Variants in GRM1 observed in about 807,000 individuals in gnomAD.
GRM1 encodes metabotropic glutamate receptor 1.
In GRM1, 33 loss-of-function variants were observed where a neutral mutation model predicts 90.9. The ratio of observed to expected loss-of-function variants is 0.36; its 90% confidence interval spans 0.28 to 0.49. The LOEUF (loss-of-function observed/expected upper bound fraction) is 0.49. GRM1 is among the 20% of genes least tolerant of loss of function. The pLI is 0.99. For synonymous variants in GRM1, 700 were observed against 613.2 expected, an observed-to-expected ratio of 1.14 and a Z score of -2.09; for missense variants, 1,190 against 1,534.3, an observed-to-expected ratio of 0.78 and a Z score of 3.75.
intron 3 of GRM1, among the ~76,000 whole-genome samples, chr6:146,305,263 C>T (rs948728703): frequency 2.6e-5 from 4 of 151,930 alleles, no homozygotes. Context: ...TAATGTGACC[C>T]TAAGCCACAC....
At chr6:146,226,308 A>G (rs1450370230) in intron 2 of GRM1, among the ~76,000 whole-genome samples, 1 of 152,132 alleles carries the variant, frequency 6.6e-6, no homozygotes. Flanking sequence ...GGCATGTTGC[A>G]ATTTCAGGAA....
Position 146,430,714 on chromosome 6 carries a change from G to T in GRM1, c.2661-3158G>T, listed in dbSNP as rs1483719776. On this transcript the variant is annotated intron_variant, in intron 7 of 7. Transcript: ENST00000282753. Reference sequence around the variant, plus strand: ...TTTCTCTTCTTAATATCACAGTAGTGGGTTCCCTGCCTTCTCAAATAAGAT... The same window carrying T: ...TTTCTCTTCTTAATATCACAGTAGTTGGTTCCCTGCCTTCTCAAATAAGAT... Among the ~76,000 whole-genome samples the T allele has an allele frequency of 2.0e-5, 3 of 152,166 alleles. No individual in the cohort carries two copies. In the East Asian group the frequency reaches 5.8e-4, roughly 29 times the overall value.
intron 6 of GRM1, among the ~76,000 whole-genome samples, chr6:146,393,637 C>A (rs1442278518): frequency 6.6e-6 from 1 of 152,144 alleles, no homozygotes; most frequent in African/African-American, 2.4e-5. Flanking sequence ...AATGGAAAAA[C>A]ATTCCATGCT....
Position 146,436,476 on chromosome 6 carries a change from C to T in GRM1, c.*1680C>T, listed in dbSNP as rs1336257645. 6.6e-6 allele frequency: 1 copy of T among 152,206 alleles called. No homozygotes were observed. The highest frequency in any genetic ancestry group is 1.5e-5 in the Non-Finnish European group (1 of 68,026). 9.4% of individuals were successfully genotyped at this position (152,206 alleles called of 1,614,324 possible). A position where few individuals can be genotyped will look rare whatever the true frequency, so the allele number is the denominator to read the frequency against. On this transcript the variant is annotated 3_prime_UTR_variant, in exon 8 of 8. Coordinates refer to ENST00000282753, the MANE Select transcript of GRM1 (RefSeq NM_001278064.2). ...TTTTTTTAAAGATTTTCCACAGCTACTTGAGTGTCTAACATACAGTAACAT... is the reference window on the plus strand; with the variant it reads ...TTTTTTTAAAGATTTTCCACAGCTATTTGAGTGTCTAACATACAGTAACAT...
intron 6 of GRM1, among the ~76,000 whole-genome samples, chr6:146,389,490 A>G (rs1776639054): frequency 6.6e-6 from 1 of 152,138 alleles, no homozygotes; most frequent in African/African-American, 2.4e-5. Flanking sequence ...GAGATGCTCT[A>G]TTGTGGGATT....
intron 5 of GRM1, among the ~76,000 whole-genome samples, chr6:146,367,290 C>T (rs865841623): frequency 6.6e-6 from 1 of 152,050 alleles, no homozygotes. Flanking sequence ...AATCATGCTG[C>T]TTTAATTAAC....
At chr6:146,383,950 C>T (rs188539354) in intron 5 of GRM1, among the ~76,000 whole-genome samples, 9 of 152,132 alleles carry the variant, frequency 5.9e-5, no homozygotes, top group African/African-American at 1.2e-4. Flanking sequence ...CAGTACATGA[C>T]CTTGAGTTCA....
chr6:146,346,729 G>A (rs1785202926), intron 3 of GRM1, among the ~76,000 whole-genome samples: 1 of 152,186 alleles, frequency 6.6e-6, no homozygotes, highest in Non-Finnish European at 1.5e-5. Flanking sequence ...GCAATTTAAA[G>A]GAATCTGAAT....
chr6:146,243,054 G>A (rs532744209), intron 2 of GRM1, among the ~76,000 whole-genome samples: 1 of 152,178 alleles, frequency 6.6e-6, no homozygotes, highest in Non-Finnish European at 1.5e-5. Flanking sequence ...TAAGCCAGAG[G>A]CAGCAGCAAC....
chr6:146,112,576 G>T (rs1311824529), intron 1 of GRM1, among the ~76,000 whole-genome samples: 1 of 152,066 alleles, frequency 6.6e-6, no homozygotes, highest in East Asian at 1.9e-4. Flanking sequence ...GGGCTCCCTT[G>T]GTAAAGGTTT....
At chr6:146,139,099 G>A (rs956736657) in intron 1 of GRM1, among the ~76,000 whole-genome samples, 2 of 151,788 alleles carry the variant, frequency 1.3e-5, no homozygotes, top group African/African-American at 4.8e-5. Flanking sequence ...TCATTCAGGA[G>A]CATACTGTTT....
At chr6:146,255,563 T>C (rs117059877) in intron 2 of GRM1, among the ~76,000 whole-genome samples, 1 of 152,240 alleles carries the variant, frequency 6.6e-6, no homozygotes, top group Non-Finnish European at 1.5e-5. Flanking sequence ...TCCCTCAAAT[T>C]TTAAGGTGTA....
intron 4 of GRM1, among the ~76,000 whole-genome samples, chr6:146,355,129 T>A (rs61914): frequency 0.59 from 89,462 of 152,034 alleles, 26,437 homozygotes; most frequent in South Asian, 0.67. Flanking sequence ...AGAAGCTGTA[T>A]TAATGTAATC....
intron 2 of GRM1, among the ~76,000 whole-genome samples, chr6:146,203,062 C>T (rs1356618896): frequency 1.3e-5 from 2 of 151,816 alleles, no homozygotes; most frequent in South Asian, 2.1e-4. Context: ...GGCGTGGTGC[C>T]GGGCGCCTGT....
At chr6:146,368,267 G>T (rs945478302) in intron 5 of GRM1, among the ~76,000 whole-genome samples, 2 of 136,478 alleles carry the variant, frequency 1.5e-5, no homozygotes, top group East Asian at 2.4e-4. Context: ...TTTTGGGGGG[G>T]GGGGTAGAAT....
At chr6:146,257,877 G>T (rs939575994) in intron 2 of GRM1, among the ~76,000 whole-genome samples, 3 of 151,570 alleles carry the variant, frequency 2.0e-5, no homozygotes, top group African/African-American at 7.3e-5. Context: ...GAGACATGCA[G>T]AAATAATGTT....
chr6:146,384,009 T>C (rs537166844), intron 5 of GRM1, among the ~76,000 whole-genome samples: 12 of 152,234 alleles, frequency 7.9e-5, no homozygotes, highest in Admixed American at 6.6e-4. Flanking sequence ...CACTCAGGCT[T>C]TCTGCCTGGA....
rs186205198 is a variant in GRM1 at position 146,104,169 on chromosome 6, G to A, written c.701-55179G>A. Among the ~76,000 whole-genome samples the A allele has an allele frequency of 1.3e-4, 20 of 152,298 alleles. No individual in the cohort carries two copies. In the East Asian group the frequency reaches 3.7e-3, roughly 28 times the overall value. On this transcript the variant is annotated intron_variant, in intron 1 of 7. Coordinates refer to ENST00000282753, the MANE Select transcript of GRM1 (RefSeq NM_001278064.2). Reference sequence around the variant, plus strand: ...GAAGGAGTGGTTGCCAGCTGGGCGCGGTGGCTTACGCCTGTAATCCCAGCA... The same window carrying A: ...GAAGGAGTGGTTGCCAGCTGGGCGCAGTGGCTTACGCCTGTAATCCCAGCA...
chr6:146,033,707 A>G (rs1790784513), intron 1 of GRM1, among the ~76,000 whole-genome samples: 1 of 151,756 alleles, frequency 6.6e-6, no homozygotes, highest in East Asian at 1.9e-4. Context: ...CATTTTTTTG[A>G]CATTTGCTTA....
Sources: allele counts gnomAD v4.1 joint callset (sites outside exome capture counted in the v4.1 genomes callset), GRCh38; gene constraint gnomAD v4.1.1; transcripts MANE v1.5; gene names NCBI Gene and HGNC (gene_info 2026-07-23, HGNC 2026-07-21).